Variants in OTOGL observed in about 807,000 individuals in gnomAD.
OTOGL encodes the protein otogelin-like protein.
Under a neutral mutation model 318.5 loss-of-function variants are expected in OTOGL, and 285 were observed. The observed-to-expected ratio is 0.89, with a 90% confidence interval of 0.81 to 0.99. The LOEUF is 0.99. Ranked by LOEUF, OTOGL falls within the 50% of genes least tolerant of loss-of-function variation. The pLI is 0.00. For missense variants in OTOGL, 2,899 were observed against 2,845.6 expected, an observed-to-expected ratio of 1.02 and a Z score of -0.43; for synonymous variants, 987 against 936.5, an observed-to-expected ratio of 1.05 and a Z score of -0.99.
At chr12:80,363,487 A>G (rs1027711802) in intron 52 of OTOGL, among the ~76,000 whole-genome samples, 6 of 152,290 alleles carry the variant, frequency 3.9e-5, no homozygotes, top group Admixed American at 6.5e-5. Flanking sequence ...GGGCAAAATG[A>G]AAGACTGGCC....
At chr12:80,336,669 C>T (rs191257221) in intron 40 of OTOGL, 114 bp downstream of exon 40, 1 of 1,419,790 alleles carries the variant, frequency 7.0e-7, no homozygotes, top group African/African-American at 1.4e-5. Context: ...TGAGATCGGT[C>T]TTCTGATAAT....
intron 26 of OTOGL, among the ~76,000 whole-genome samples, chr12:80,290,449 T>G (rs1475814369): frequency 6.6e-6 from 1 of 152,176 alleles, no homozygotes; most frequent in Non-Finnish European, 1.5e-5. Flanking sequence ...ACATTTTACT[T>G]TCTTTAACAA....
At position 80,251,703 on chromosome 12, in the gene OTOGL, GATGAAACCT is replaced by G; in HGVS notation, c.1066_1074del (p.Glu356_Tyr358del). ...CTTTTCACTTTCTAGAACTGATGAT[GATGAAACCT>G]ATTGCCGAGCAGCCACTGAGTATGC... On this transcript the variant is annotated inframe_deletion, in exon 12 of 59. Transcript: ENST00000547103. 6.3e-7 allele frequency: 1 copy of G among 1,586,746 alleles called. No homozygotes were observed. Among genetic ancestry groups the G allele is most frequent in the Admixed American group, 1.8e-5 (1 of 56,124 alleles).
intron 35 of OTOGL, among the ~76,000 whole-genome samples, chr12:80,325,697 C>T (rs1460158530): frequency 3.9e-5 from 6 of 152,216 alleles, no homozygotes; most frequent in Admixed American, 2.0e-4. Flanking sequence ...AATCTATTTC[C>T]TGCCTCTTCT....
chr12:80,304,163 T>C (rs1885956271), intron 28 of OTOGL, among the ~76,000 whole-genome samples: 1 of 152,242 alleles, frequency 6.6e-6, no homozygotes, highest in Non-Finnish European at 1.5e-5. Context: ...AATTCTATAC[T>C]GTTGAGTAGT....
At chr12:80,200,168 T>C (rs75667421) in intron 1 of OTOGL, among the ~76,000 whole-genome samples, 4,925 of 152,304 alleles carry the variant, frequency 0.032, 126 homozygotes, top group Middle Eastern at 0.075. Context: ...CTTAATCACC[T>C]ATAAACCTAG....
chr12:80,109,062 C>A (rs985928436), intron 1 of OTOGL, among the ~76,000 whole-genome samples: 3 of 150,856 alleles, frequency 2.0e-5, no homozygotes, highest in African/African-American at 4.9e-5. Flanking sequence ...CAGTCTTTAA[C>A]CTCTTTTCTC....
At chr12:80,163,915 G>C (rs971180840) in intron 1 of OTOGL, among the ~76,000 whole-genome samples, 7 of 152,270 alleles carry the variant, frequency 4.6e-5, no homozygotes, top group Admixed American at 1.3e-4. Context: ...TCTTCAATGG[G>C]AGAAACAATG....
At chr12:80,346,378 A>G (rs1889196710) in intron 44 of OTOGL, among the ~76,000 whole-genome samples, 1 of 152,184 alleles carries the variant, frequency 6.6e-6, no homozygotes, top group African/African-American at 2.4e-5. Context: ...AAGAAAAAAA[A>G]GAAAGTTAAG....
At chr12:80,100,067 A>G (rs1466141728) in intron 1 of OTOGL, among the ~76,000 whole-genome samples, 2 of 152,188 alleles carry the variant, frequency 1.3e-5, no homozygotes, top group Non-Finnish European at 2.9e-5. Context: ...TCTTGGGCTA[A>G]GTTCTCCCGC....
rs73141140 is a variant in OTOGL at position 80,368,180 on chromosome 12, G to A, written c.6511-25G>A. On this transcript the variant is annotated intron_variant, in intron 54 of 58. Coordinates refer to ENST00000547103, the MANE Select transcript of OTOGL (RefSeq NM_001378609.3). ...TCATTAAAAATATTGATATGGTGTCGCTAATCTAATATCATTATATGCAGC... is the reference window on the plus strand; with the variant it reads ...TCATTAAAAATATTGATATGGTGTCACTAATCTAATATCATTATATGCAGC... 137,704 of 1,465,196 alleles carry A rather than the reference G, an allele frequency of 0.094. 7,082 individuals are homozygous for A. Among genetic ancestry groups the A allele is most frequent in the East Asian group, 0.11 (4,814 of 42,600 alleles). 90.8% of individuals were successfully genotyped at this position (1,465,196 alleles called of 1,614,324 possible). A position where few individuals can be genotyped will look rare whatever the true frequency, so the allele number is the denominator to read the frequency against.
chr12:80,286,034 A>G (rs140955920), intron 26 of OTOGL, among the ~76,000 whole-genome samples: 4,921 of 152,088 alleles, frequency 0.032, 263 homozygotes, highest in African/African-American at 0.11. Flanking sequence ...TTATTATTTT[A>G]ACATATGTTC....
At chr12:80,196,466 T>G (rs1395813354) in intron 1 of OTOGL, among the ~76,000 whole-genome samples, 99 of 152,234 alleles carry the variant, frequency 6.5e-4, no homozygotes, top group Admixed American at 6.4e-3. Flanking sequence ...ATGACTGTCA[T>G]TCACTGCTCT....
chr12:80,119,048 G>A (rs1243164203), intron 1 of OTOGL, among the ~76,000 whole-genome samples: 1 of 152,090 alleles, frequency 6.6e-6, no homozygotes, highest in Non-Finnish European at 1.5e-5. Context: ...CTATCTGATG[G>A]GAATTTGAGG....
chr12:80,298,833 C>T (rs769241773), intron 27 of OTOGL, among the ~76,000 whole-genome samples: 50 of 152,248 alleles, frequency 3.3e-4, no homozygotes, highest in Admixed American at 9.8e-4. Flanking sequence ...GATGAGGGGG[C>T]TGAGTCCAGA....
At chr12:80,314,658 T>C (rs1470149349) in intron 32 of OTOGL, among the ~76,000 whole-genome samples, 1 of 152,200 alleles carries the variant, frequency 6.6e-6, no homozygotes, top group African/African-American at 2.4e-5. Flanking sequence ...AACAAATGCA[T>C]ACCTTTACCA....
intron 18 of OTOGL, 62 bp downstream of exon 18, chr12:80,258,064 C>A: frequency 7.4e-7 from 1 of 1,359,232 alleles, no homozygotes; most frequent in South Asian, 1.7e-5. Context: ...GATATAAATT[C>A]ATTAAAAATG....
chr12:80,358,741 T>A lies in OTOGL; in HGVS notation c.6192T>A (p.Asn2064Lys). The change falls in exon 51 of 59, where the codon AAT (asparagine) becomes AAA (lysine). Residue 2064 changes from asparagine to lysine, a missense_variant. Coordinates refer to ENST00000547103, the MANE Select transcript of OTOGL (RefSeq NM_001378609.3). ...AAGATATGAATCTTGTGAAAGAAAA[T>A]GTATCTGGTCAATGTTGCCCAACAT... ...CAEDMNLVKE[N>K]VSGQCCPTWH... The A allele has an allele frequency of 6.2e-7, 1 of 1,612,620 alleles. No individual in the cohort carries two copies. The highest frequency in any genetic ancestry group is 1.7e-5 in the Admixed American group (1 of 59,980).
Position 80,358,361 on chromosome 12 carries a change from T to C in OTOGL, c.6121+12T>C, listed in dbSNP as rs1281294363. The C allele has an allele frequency of 7.8e-6, 12 of 1,546,290 alleles. No homozygotes were observed. Among genetic ancestry groups the C allele is most frequent in the Non-Finnish European group, 1.1e-5 (12 of 1,126,722 alleles). ...TCAGTATTACTGTGGTAAGTGTATA[T>C]TAACTATTCTAAAATATTTAGATGT... is the stretch of plus-strand genomic sequence containing the variant. On this transcript the variant is annotated intron_variant, in intron 50 of 58. Transcript: ENST00000547103.
Sources: allele counts gnomAD v4.1 joint callset (sites outside exome capture counted in the v4.1 genomes callset), GRCh38; gene constraint gnomAD v4.1.1; transcripts MANE v1.5; gene names NCBI Gene and HGNC (gene_info 2026-07-23, HGNC 2026-07-21).